Variants in ZNF135 observed in about 807,000 individuals in gnomAD.
The protein encoded by ZNF135 is zinc finger protein 135 (clone pHZ-17).
ZNF135 carries 11 observed loss-of-function variants against 12.3 expected under a neutral mutation model. The observed-to-expected ratio is 0.89, with a 90% CI of 0.56 to 1.48. ZNF135 has a LOEUF of 1.48. Among genes scored for constraint, ZNF135 ranks in the 40% most tolerant of loss-of-function variants. The probability of loss-of-function intolerance (pLI) is 0.00; values close to 1 mark genes in which losing one functional copy is unlikely to be tolerated. For missense variants in ZNF135, 722 were observed against 815.7 expected, an observed-to-expected ratio of 0.89 and a Z score of 1.40; for synonymous variants, 316 against 312.0, an observed-to-expected ratio of 1.01 and a Z score of -0.14.
rs2074129479 is a variant in ZNF135, at chr19:58,069,252, G to A, written c.*791G>A. On this transcript the variant is annotated 3_prime_UTR_variant, in exon 5 of 5. Coordinates refer to ENST00000313434, the MANE Select transcript of ZNF135 (RefSeq NM_001289401.2). The stretch of plus-strand genomic sequence containing the variant: ...CAAAATGTAAAGCTGCTTCCGTAGA[G>A]TCTCACTGATTCTGAGATGGCTTTT... The A allele has an allele frequency of 1.3e-5, 2 of 152,186 alleles. No individual in the cohort carries two copies. 9.4% of individuals were successfully genotyped at this position (152,186 alleles called of 1,614,324 possible).
chr19:58,068,507 G>T lies in ZNF135; in HGVS notation c.*46G>T. 1 of 1,577,828 alleles carries T rather than the reference G, an allele frequency of 6.3e-7. No homozygotes were observed. Among genetic ancestry groups the T allele is most frequent in the Non-Finnish European group, 8.6e-7 (1 of 1,162,400 alleles). On this transcript the variant is annotated 3_prime_UTR_variant, in exon 5 of 5. Transcript: ENST00000313434. ...GGACATAGGAAGACCTTAAGCCATA[G>T]CTCATCCCTTTCTAGATTTGACCCA...
chr19:58,064,019 A>G (rs534396842), intron 4 of ZNF135, among the ~76,000 whole-genome samples: 9 of 152,300 alleles, frequency 5.9e-5, no homozygotes, highest in African/African-American at 2.2e-4. Context: ...TTGTGTAGGA[A>G]AACACTCTGA....
chr19:58,064,866 G>A (rs188639271), intron 4 of ZNF135, among the ~76,000 whole-genome samples: 4 of 152,220 alleles, frequency 2.6e-5, no homozygotes, highest in Admixed American at 2.6e-4. Flanking sequence ...CTCCTGCCTG[G>A]GTGACAGAGC....
At position 58,060,030 on chromosome 19, in the gene ZNF135, G is replaced by C. The variant is rs182688701; in HGVS notation, c.28G>C (p.Asp10His). The C allele has an allele frequency of 6.2e-7, 1 of 1,613,476 alleles. No homozygotes were observed. Residue 10 changes from aspartate to histidine, a missense_variant, in exon 2 of 5, where the codon GAC (aspartate) becomes CAC (histidine). Physicochemically the swap from Asp to His is moderately conservative, Grantham distance 81. Coordinates refer to ENST00000313434, the MANE Select transcript of ZNF135 (RefSeq NM_001289401.2). This position sits in a 1 kb window ranked among gnomAD's most constrained non-coding sequence, Gnocchi z 4.9. MTPGVRVST[D>H]PEQVTFEDVV... ...GACCCCTGGGGTGCGCGTCTCCACA[G>C]ACCCGGTGAGAATCTCGGCCTCCTT...
chr19:58,069,755 A>G lies in ZNF135; in HGVS notation c.*1294A>G, dbSNP rs1283434796. On this transcript the variant is annotated 3_prime_UTR_variant, in exon 5 of 5. Transcript: ENST00000313434. The stretch of plus-strand genomic sequence containing the variant: ...CTCTGTCTCAGAAAAAAAAAAAAAA[A>G]TTGCATTGGCTGTTTTTGGTTATTA... 1 of 151,098 alleles carries G rather than the reference A, an allele frequency of 6.6e-6. No individual in the cohort carries two copies. Among genetic ancestry groups the G allele is most frequent in the Non-Finnish European group, 1.5e-5 (1 of 67,796 alleles). The allele number at this position is 151,098 out of a possible 1,614,324, so 9.4% of individuals were successfully genotyped here. A position where few individuals can be genotyped will look rare whatever the true frequency, so the allele number is the denominator to read the frequency against.
intron 4 of ZNF135, among the ~76,000 whole-genome samples, chr19:58,064,216 G>A (rs1174643951): frequency 6.6e-6 from 1 of 152,130 alleles, no homozygotes; most frequent in Non-Finnish European, 1.5e-5. Flanking sequence ...GTCCAGGAGG[G>A]ATGGCCAGTG....
chr19:58,068,699 C>G lies in ZNF135; in HGVS notation c.*238C>G, dbSNP rs765264611. The G allele has an allele frequency of 1.9e-6, 1 of 517,496 alleles. No homozygotes were observed. Among genetic ancestry groups the G allele is most frequent in the Non-Finnish European group, 3.4e-6 (1 of 293,226 alleles). 32.1% of individuals were successfully genotyped at this position (517,496 alleles called of 1,614,324 possible). A position where few individuals can be genotyped will look rare whatever the true frequency, so the allele number is the denominator to read the frequency against. ...TAGGGAAACGTGGAGATAATCAACA[C>G]TCAGGACCTTCAGCCTTGAACGCCC... On this transcript the variant is annotated 3_prime_UTR_variant, in exon 5 of 5. Transcript: ENST00000313434.
At position 58,067,349 on chromosome 19, in the gene ZNF135, C is replaced by T; in HGVS notation, c.865C>T (p.Gln289Ter). The T allele has an allele frequency of 6.2e-7, 1 of 1,614,174 alleles. No homozygotes were observed. The highest frequency in any genetic ancestry group is 1.7e-5 in the Admixed American group (1 of 60,024). ...CCAAATTGCCCCACTGATCCAGCAC[C>T]AGAGAACTCACACAGGTGAGAAGCC... ...FNQIAPLIQH[Q>*]RTHTGEKPYE... is the part of the protein sequence containing the mutation. The change falls in exon 5 of 5, where the codon CAG becomes TAG. Residue 289 changes from glutamine to a stop codon, truncating the protein, a stop_gained. Transcript: ENST00000313434. LOFTEE classifies it low-confidence loss of function (END_TRUNC).
chr19:58,069,401 G>A lies in ZNF135; in HGVS notation c.*940G>A, dbSNP rs2074131718. On this transcript the variant is annotated 3_prime_UTR_variant, in exon 5 of 5. Coordinates refer to ENST00000313434, the MANE Select transcript of ZNF135 (RefSeq NM_001289401.2). ...GTCTTATAAGCAATAGCAAATTCAT[G>A]TTAGAAACTTCTGTTTTGCAAGATT... 6.6e-6 allele frequency: 1 copy of A among 152,196 alleles called. No homozygotes were observed. The highest frequency in any genetic ancestry group is 1.5e-5 in the Non-Finnish European group (1 of 68,038). 9.4% of individuals were successfully genotyped at this position (152,196 alleles called of 1,614,324 possible). A position where few individuals can be genotyped will look rare whatever the true frequency, so the allele number is the denominator to read the frequency against.
At chr19:58,066,695 C>A in intron 4 of ZNF135, 46 bp from the exon 5 acceptor site, 2 of 1,597,566 alleles carry the variant, frequency 1.3e-6, no homozygotes, top group South Asian at 1.1e-5. Context: ...ACTCTTTTGC[C>A]GTGGAACAGA....
At chr19:58,061,122 C>T (rs1018327764) in intron 2 of ZNF135, among the ~76,000 whole-genome samples, 16 of 84,056 alleles carry the variant, frequency 1.9e-4, no homozygotes, top group Non-Finnish European at 4.0e-4. Flanking sequence ...AGCGAGACTC[C>T]GTCTCGGGGG....
At chr19:58,061,551 T>G (rs2073980664) in intron 2 of ZNF135, 29 bp from the exon 3 acceptor site, 1 of 1,598,662 alleles carries the variant, frequency 6.3e-7, no homozygotes, top group Admixed American at 1.7e-5. Flanking sequence ...AGGGTTGGCT[T>G]GGCTGAGGAC....
chr19:58,062,497 C>G (rs1000007384), intron 3 of ZNF135, among the ~76,000 whole-genome samples: 103 of 152,232 alleles, frequency 6.8e-4, no homozygotes, highest in African/African-American at 2.4e-3. Context: ...ATTCTCCTGC[C>G]TCATCTTCCT....
At position 58,067,361 on chromosome 19, in the gene ZNF135, A is replaced by G; in HGVS notation, c.877A>G (p.Thr293Ala). 6.2e-7 allele frequency: 1 copy of G among 1,614,200 alleles called. No homozygotes were observed. Among genetic ancestry groups the G allele is most frequent in the Non-Finnish European group, 8.5e-7 (1 of 1,180,002 alleles). The change falls in exon 5 of 5, where the codon ACA (threonine) becomes GCA (alanine). Residue 293 changes from threonine (T) to alanine (A), a missense_variant. Coordinates refer to ENST00000313434, the MANE Select transcript of ZNF135 (RefSeq NM_001289401.2). The part of the protein sequence containing the change: ...APLIQHQRTH[T>A]GEKPYECSEC... ...ACTGATCCAGCACCAGAGAACTCAC[A>G]CAGGTGAGAAGCCCTATGAATGCAG...
At position 58,067,736 on chromosome 19, in the gene ZNF135, G is replaced by A. The variant is rs148350290; in HGVS notation, c.1252G>A (p.Ala418Thr). The A allele has an allele frequency of 4.4e-5, 71 of 1,613,904 alleles. No individual in the cohort carries two copies. The highest frequency in any genetic ancestry group is 8.3e-5 in the Admixed American group (5 of 59,990). The change falls in exon 5 of 5, where the codon GCC becomes ACC. Residue 418 changes from alanine to threonine, a missense_variant. Ala to Thr is a moderately conservative substitution (Grantham distance 58). Coordinates refer to ENST00000313434, the MANE Select transcript of ZNF135 (RefSeq NM_001289401.2). ...CTATGAGTGTGGTGAGTGTGGGAAAGCCTTCAGTCAGAGCACACTCCTGAC... is the reference window on the plus strand; with the variant it reads ...CTATGAGTGTGGTGAGTGTGGGAAAACCTTCAGTCAGAGCACACTCCTGAC... ...KPYECGECGK[A>T]FSQSTLLTEH...
chr19:58,060,024 T>TC lies in ZNF135; in HGVS notation c.24dup (p.Thr9HisfsTer9), dbSNP rs2073942110. The stretch of plus-strand genomic sequence containing the variant: ...GGGCATGACCCCTGGGGTGCGCGTC[T>TC]CCACAGACCCGGTGAGAATCTCGGC... On this transcript the variant is annotated frameshift_variant, in exon 2 of 5. Coordinates refer to ENST00000313434, the MANE Select transcript of ZNF135 (RefSeq NM_001289401.2). LOFTEE classifies it high-confidence loss of function. The surrounding 1 kb of genome is among the most constrained non-coding windows in gnomAD (Gnocchi z 4.9). The TC allele has an allele frequency of 6.2e-7, 1 of 1,613,348 alleles. No homozygotes were observed. The highest frequency in any genetic ancestry group is 8.5e-7 in the Non-Finnish European group (1 of 1,179,844).
Position 58,065,669 on chromosome 19 carries a change from C to T in ZNF135, c.257-1072C>T, listed in dbSNP as rs2074054582. ...GGACCCTCGTGATTACACAGGTCCACCCAGATAATCCAGTGTAATTTCTCT... is the reference window on the plus strand; with the variant it reads ...GGACCCTCGTGATTACACAGGTCCATCCAGATAATCCAGTGTAATTTCTCT... On this transcript the variant is annotated intron_variant, in intron 4 of 4. Coordinates refer to ENST00000313434, the MANE Select transcript of ZNF135 (RefSeq NM_001289401.2). The surrounding 1 kb of genome is among the most constrained non-coding windows in gnomAD (Gnocchi z 4.0). Among the ~76,000 whole-genome samples the T allele has an allele frequency of 6.6e-6, 1 of 152,186 alleles. No individual in the cohort carries two copies. Among genetic ancestry groups the T allele is most frequent in the Non-Finnish European group, 1.5e-5 (1 of 68,032 alleles).
At chr19:58,061,534 C>G (rs1240850725) in intron 2 of ZNF135, 46 bp from the exon 3 acceptor site, 1 of 1,582,352 alleles carries the variant, frequency 6.3e-7, no homozygotes, top group Admixed American at 1.8e-5. Flanking sequence ...CACCAGCAGC[C>G]AGTGCCAGGG....
intron 4 of ZNF135, among the ~76,000 whole-genome samples, chr19:58,064,962 G>A (rs2145931848): frequency 6.6e-6 from 1 of 152,294 alleles, no homozygotes; most frequent in East Asian, 1.9e-4. Context: ...TAAGTTTTTG[G>A]GGAGTCAAAG....
Sources: allele counts gnomAD v4.1 joint callset (sites outside exome capture counted in the v4.1 genomes callset), GRCh38; gene constraint gnomAD v4.1.1; non-coding constraint Gnocchi (gnomAD v3.1); transcripts MANE v1.5; gene names NCBI Gene and HGNC (gene_info 2026-07-23, HGNC 2026-07-21).